The following MPZL1 variants were observed in gnomAD, a reference collection of about 807,000 sequenced individuals.
The protein encoded by MPZL1 is myelin protein zero like 1.
Under a neutral mutation model 29.3 loss-of-function variants are expected in MPZL1, and 16 were observed. The observed-to-expected ratio is 0.55, with a 90% confidence interval of 0.37 to 0.83. The LOEUF (loss-of-function observed/expected upper bound fraction) is 0.83. Among genes scored for constraint, MPZL1 ranks in the 40% least tolerant of loss-of-function variants. The pLI is 0.00. For missense variants in MPZL1, 279 were observed against 332.9 expected, an observed-to-expected ratio of 0.84 and a Z score of 1.26; for synonymous variants, 143 against 132.0, an observed-to-expected ratio of 1.08 and a Z score of -0.57.
At chr1:167,771,642 C>G (rs974490997) in intron 2 of MPZL1, among the ~76,000 whole-genome samples, 4 of 151,402 alleles carry the variant, frequency 2.6e-5, no homozygotes, top group Non-Finnish European at 4.4e-5. Flanking sequence ...ACTTCCCAGA[C>G]AGGGTGGCCG....
rs534275473 is a variant in MPZL1 at position 167,722,326 on chromosome 1, G to A, written c.91+84G>A. 2.0e-5 allele frequency: 24 copies of A among 1,228,898 alleles called. No homozygotes were observed. In the Middle Eastern group the frequency reaches 1.8e-3, roughly 91 times the overall value. The allele number at this position is 1,228,898 out of a possible 1,614,324, so 76.1% of individuals were successfully genotyped here. A position where few individuals can be genotyped will look rare whatever the true frequency, so the allele number is the denominator to read the frequency against. ...CGCCCATCGCGGCGGTCGCAGGCCA[G>A]GCGCGCGCACTGAGAGCCGAGGTGG... On this transcript the variant is annotated intron_variant, in intron 1 of 5. Coordinates refer to ENST00000359523, the MANE Select transcript of MPZL1 (RefSeq NM_003953.6).
chr1:167,768,618 T>C (rs1373611891), intron 2 of MPZL1, among the ~76,000 whole-genome samples: 1 of 152,252 alleles, frequency 6.6e-6, no homozygotes, highest in African/African-American at 2.4e-5. Context: ...AATTTTTCAC[T>C]GTTTTATTTC....
In MPZL1 at chr1:167,790,485, C is replaced by A. The variant is rs1479154689; in HGVS notation, c.*2564C>A. On this transcript the variant is annotated 3_prime_UTR_variant, in exon 6 of 6. Transcript: ENST00000359523. ...TGAGCCTCTCAGGGCAGGACCTCTT[C>A]CCAAGCCCTGCACACCCACCCCTGC... 6.6e-6 allele frequency: 1 copy of A among 152,278 alleles called. No homozygotes were observed. The highest frequency in any genetic ancestry group is 1.5e-5 in the Non-Finnish European group (1 of 68,084). 9.4% of individuals were successfully genotyped at this position (152,278 alleles called of 1,614,324 possible).
At chr1:167,774,204 C>G (rs1013924206) in intron 4 of MPZL1, among the ~76,000 whole-genome samples, 3 of 152,328 alleles carry the variant, frequency 2.0e-5, no homozygotes, top group Admixed American at 6.5e-5. Context: ...TCTCTTTTCC[C>G]CACTCCAGCT....
chr1:167,762,688 G>C (rs903053346), intron 1 of MPZL1, among the ~76,000 whole-genome samples: 5 of 152,214 alleles, frequency 3.3e-5, no homozygotes, highest in Non-Finnish European at 7.3e-5. Context: ...ATGTAAGGAG[G>C]CAGCTTTAGG....
At chr1:167,753,540 AT>A (rs1260776216) in intron 1 of MPZL1, among the ~76,000 whole-genome samples, 1 of 152,124 alleles carries the variant, frequency 6.6e-6, no homozygotes, top group Non-Finnish European at 1.5e-5. Flanking sequence ...TCTCCATTTA[AT>A]TTACCCTCCC....
At chr1:167,743,133 G>A (rs4625260) in intron 1 of MPZL1, among the ~76,000 whole-genome samples, 66,878 of 151,536 alleles carry the variant, frequency 0.44, 15,125 homozygotes, top group Non-Finnish European at 0.48. Flanking sequence ...GTTTTTTCTA[G>A]TTCTGTGAAA....
At chr1:167,738,156 C>A (rs2101754262) in intron 1 of MPZL1, among the ~76,000 whole-genome samples, 1 of 152,240 alleles carries the variant, frequency 6.6e-6, no homozygotes, top group East Asian at 1.9e-4. Context: ...AATCTCCTGA[C>A]CTCGTGATCC....
At chr1:167,761,097 G>C (rs1326451364) in intron 1 of MPZL1, among the ~76,000 whole-genome samples, 1 of 152,158 alleles carries the variant, frequency 6.6e-6, no homozygotes, top group East Asian at 1.9e-4. Context: ...AGTTTCTATG[G>C]AGTAACGGAG....
chr1:167,770,560 C>T (rs1484467279), intron 2 of MPZL1, among the ~76,000 whole-genome samples: 7 of 152,218 alleles, frequency 4.6e-5, no homozygotes, highest in Non-Finnish European at 4.4e-5. Flanking sequence ...ATGACTTTTC[C>T]ATAGGAAACC....
At chr1:167,724,436 A>G (rs1451841154) in intron 1 of MPZL1, among the ~76,000 whole-genome samples, 6 of 152,206 alleles carry the variant, frequency 3.9e-5, no homozygotes, top group Admixed American at 2.6e-4. Context: ...AAGGCAGAGG[A>G]CTATTGTAAT....
intron 2 of MPZL1, among the ~76,000 whole-genome samples, chr1:167,771,427 T>C (rs1022504523): frequency 3.9e-5 from 6 of 152,184 alleles, no homozygotes; most frequent in Non-Finnish European, 7.4e-5. Flanking sequence ...CTGATCTCTC[T>C]TTCTTTTCCC....
Position 167,768,365 on chromosome 1 carries a change from CCT to C in MPZL1, c.258+2619_258+2620del, listed in dbSNP as rs984771316. ...CATTTAAGCTGTACCCCATTTTTAC[CCT>C]CTGTCTCCTCCATAATGCCTCTTTT... On this transcript the variant is annotated intron_variant, in intron 2 of 5. Transcript: ENST00000359523. Among the ~76,000 whole-genome samples, 11 of 151,638 alleles carry C rather than the reference CCT, an allele frequency of 7.3e-5. 1 individual carries two copies. Among genetic ancestry groups the C allele is most frequent in the Middle Eastern group, 6.8e-3 (2 of 294 alleles).
intron 4 of MPZL1, chr1:167,774,582 A>C (rs1186103889): frequency 6.6e-6 from 1 of 152,296 alleles, no homozygotes; most frequent in African/African-American, 2.4e-5. Flanking sequence ...ACATGAGACT[A>C]ATCCAGGGTG....
chr1:167,759,238 T>C (rs1660931247), intron 1 of MPZL1, among the ~76,000 whole-genome samples: 1 of 152,232 alleles, frequency 6.6e-6, no homozygotes, highest in South Asian at 2.1e-4. Flanking sequence ...ATTAGAACAA[T>C]AGTTTCTGTA....
At chr1:167,747,162 T>A (rs1660663665) in intron 1 of MPZL1, among the ~76,000 whole-genome samples, 1 of 152,232 alleles carries the variant, frequency 6.6e-6, no homozygotes, top group Non-Finnish European at 1.5e-5. Flanking sequence ...TTGTTTTGCA[T>A]AGAGCCTGCA....
chr1:167,756,983 T>C (rs921226419), intron 1 of MPZL1, among the ~76,000 whole-genome samples: 4 of 152,294 alleles, frequency 2.6e-5, no homozygotes, highest in Non-Finnish European at 4.4e-5. Flanking sequence ...GAAGCATAAC[T>C]TTAGACAAAG....
At chr1:167,764,725 C>A (rs538592842) in intron 1 of MPZL1, among the ~76,000 whole-genome samples, 2 of 152,122 alleles carry the variant, frequency 1.3e-5, no homozygotes, top group African/African-American at 4.8e-5. Context: ...AATAGACCAT[C>A]AGGGAAGCCA....
At chr1:167,752,511 C>T (rs1454522117) in intron 1 of MPZL1, among the ~76,000 whole-genome samples, 2 of 152,188 alleles carry the variant, frequency 1.3e-5, no homozygotes, top group Non-Finnish European at 2.9e-5. Flanking sequence ...AGACTCATCC[C>T]ACTCAGAACT....
Sources: gnomAD v4.1 joint callset for allele counts (sites outside exome capture counted in the v4.1 genomes callset) on GRCh38, gnomAD v4.1.1 for gene constraint, MANE v1.5 for transcripts, NCBI Gene and HGNC (gene_info 2026-07-23, HGNC 2026-07-21) for gene names.